Variants in NECAB2 observed in about 807,000 individuals in gnomAD.
The protein encoded by NECAB2 is N-terminal EF-hand calcium binding protein 2, also known as N-terminal EF-hand calcium-binding protein 2.
In NECAB2, 68 loss-of-function variants were observed where a neutral mutation model predicts 51.9. That is an observed-to-expected ratio of 1.31 (90% confidence interval 1.08 to 1.60). NECAB2 has a LOEUF of 1.60. Among genes scored for constraint, NECAB2 ranks in the 40% most tolerant of loss-of-function variants. The pLI is 0.00. For synonymous variants in NECAB2, 329 were observed against 203.5 expected (o/e 1.62, Z -5.25); for missense variants, 854 against 490.3 (o/e 1.74, Z -7.00).
intron 2 of NECAB2, among the ~76,000 whole-genome samples, chr16:83,978,037 C>A (rs1475257677): frequency 6.6e-6 from 1 of 152,260 alleles, no homozygotes; most frequent in African/African-American, 2.4e-5. Flanking sequence ...TCCAGGTGGC[C>A]ATGTAAATTG....
chr16:83,981,849 C>A (rs1172718653), intron 5 of NECAB2, among the ~76,000 whole-genome samples: 1 of 152,150 alleles, frequency 6.6e-6, no homozygotes, highest in Non-Finnish European at 1.5e-5. Flanking sequence ...GGGTGAGGGA[C>A]CCACAGGTGC....
At chr16:84,001,236 C>T (rs2084826767) in intron 11 of NECAB2, among the ~76,000 whole-genome samples, 1 of 151,594 alleles carries the variant, frequency 6.6e-6, no homozygotes, top group African/African-American at 2.4e-5. Context: ...GTGTCAGCAG[C>T]TCTGATGGGC....
At chr16:83,969,291 A>T (rs1002214447) in intron 1 of NECAB2, among the ~76,000 whole-genome samples, 2 of 151,602 alleles carry the variant, frequency 1.3e-5, no homozygotes, top group Non-Finnish European at 2.9e-5. Context: ...CCCTACCTCT[A>T]GCCCACCTCT....
At chr16:83,973,837 C>T (rs1029441362) in intron 2 of NECAB2, among the ~76,000 whole-genome samples, 1 of 151,882 alleles carries the variant, frequency 6.6e-6, no homozygotes, top group Non-Finnish European at 1.5e-5. Context: ...GTTGGGAATG[C>T]GTGTGTCCAG....
intron 2 of NECAB2, among the ~76,000 whole-genome samples, chr16:83,976,148 C>A (rs937509900): frequency 6.6e-6 from 1 of 152,160 alleles, no homozygotes. Context: ...TTGGGGCTCA[C>A]AACCCCTGTC....
intron 8 of NECAB2, among the ~76,000 whole-genome samples, chr16:83,995,722 G>C (rs1348746722): frequency 3.9e-5 from 6 of 152,158 alleles, no homozygotes; most frequent in Admixed American, 2.6e-4. Context: ...CATGGGGGCA[G>C]GAACAAGGGG....
At chr16:84,002,213 A>C (rs1285228091) in intron 12 of NECAB2, 105 bp from the exon 13 acceptor site, 3 of 1,379,022 alleles carry the variant, frequency 2.2e-6, no homozygotes, top group Non-Finnish European at 3.1e-6. Context: ...GTGTCACACA[A>C]GGACTCAAAG....
intron 11 of NECAB2, among the ~76,000 whole-genome samples, chr16:84,001,296 TATTGCTGATGCGCCAG>T (rs2084828717): frequency 6.6e-6 from 1 of 151,528 alleles, no homozygotes; most frequent in African/African-American, 2.4e-5. Flanking sequence ...GGGTGGAGAC[TATTGCTGATGCGCCAG>T]ACCCCACAGG....
rs543242356 is a variant in NECAB2, at chr16:83,992,704, G to A, written c.597-1598G>A. On this transcript the variant is annotated intron_variant, in intron 6 of 12. Coordinates refer to ENST00000305202, the MANE Select transcript of NECAB2 (RefSeq NM_019065.3). Reference sequence around the variant, plus strand: ...AAATGAGTTTGATCTGAGCATTTGCGCTGAATCACCTGGGAAAATTAAAAT... The same window carrying A: ...AAATGAGTTTGATCTGAGCATTTGCACTGAATCACCTGGGAAAATTAAAAT... 2.6e-5 allele frequency among the ~76,000 whole-genome samples: 4 copies of A among 152,258 alleles called. No individual in the cohort carries two copies. In the East Asian group the frequency reaches 5.8e-4, roughly 22 times the overall value.
chr16:83,994,199 G>T, intron 6 of NECAB2, 103 bp from the exon 7 acceptor site: 2 of 1,013,218 alleles, frequency 2.0e-6, no homozygotes, highest in Admixed American at 1.9e-5. Context: ...GTGCATGTGT[G>T]AGTCCACTGT....
chr16:83,997,111 G>A lies in NECAB2; in HGVS notation c.796-105G>A, dbSNP rs549592177. ...TCTCCCAGCCCTGTGCAACAGGGCC[G>A]GGTCCTTGGGAGCTCCCAACAGCCC... On this transcript the variant is annotated intron_variant, in intron 8 of 12. Coordinates refer to ENST00000305202, the MANE Select transcript of NECAB2 (RefSeq NM_019065.3). 3.2e-4 allele frequency: 444 copies of A among 1,366,846 alleles called. 5 individuals carry two copies. The East Asian group carries it at 9.0e-3, about 28-fold the overall frequency. The allele number at this position is 1,366,846 out of a possible 1,614,324, so 84.7% of individuals were successfully genotyped here.
intron 10 of NECAB2, among the ~76,000 whole-genome samples, chr16:83,999,050 C>T (rs953141186): frequency 6.6e-6 from 1 of 150,710 alleles, no homozygotes; most frequent in African/African-American, 2.4e-5. Context: ...AGCACACACT[C>T]ATTCACCCCA....
intron 6 of NECAB2, among the ~76,000 whole-genome samples, chr16:83,992,535 C>T (rs1198553445): frequency 1.3e-5 from 2 of 152,158 alleles, no homozygotes; most frequent in African/African-American, 2.4e-5. Context: ...CGATTGAGCC[C>T]TTAATTTTCC....
intron 5 of NECAB2, among the ~76,000 whole-genome samples, chr16:83,988,450 T>A (rs72793617): frequency 6.6e-6 from 1 of 152,234 alleles, no homozygotes; most frequent in African/African-American, 2.4e-5. Context: ...AAAAATAATT[T>A]TTAAGATTTT....
chr16:83,974,223 C>T (rs1368866206), intron 2 of NECAB2, among the ~76,000 whole-genome samples: 1 of 152,190 alleles, frequency 6.6e-6, no homozygotes, highest in Non-Finnish European at 1.5e-5. Flanking sequence ...GTCCCCCAGC[C>T]TGACTGCCTA....
chr16:83,994,915 G>T (rs1478363964), intron 8 of NECAB2, among the ~76,000 whole-genome samples: 2 of 152,186 alleles, frequency 1.3e-5, no homozygotes, highest in Non-Finnish European at 2.9e-5. Context: ...AAGAGAGAGT[G>T]TTGGGGGGTC....
intron 11 of NECAB2, 35 bp from the exon 12 acceptor site, chr16:84,001,790 G>T: frequency 3.7e-6 from 6 of 1,611,294 alleles, no homozygotes; most frequent in Non-Finnish European, 5.1e-6. Context: ...CTCCACTCCT[G>T]CCACCCCTGA....
chr16:83,965,494 C>A (rs1223238294), upstream of NECAB2: 3 of 1,611,406 alleles, frequency 1.9e-6, no homozygotes, highest in Non-Finnish European at 2.5e-6. Context: ...CCCGCCACTA[C>A]AACATCCCGG....
At chr16:84,002,176 G>T in intron 12 of NECAB2, 142 bp from the exon 13 acceptor site, 2 of 1,141,844 alleles carry the variant, frequency 1.8e-6, no homozygotes, top group South Asian at 2.6e-5. Context: ...TGTGTGGTTT[G>T]CACCTGGGTG....
Sources: gnomAD v4.1 joint callset for allele counts (sites outside exome capture counted in the v4.1 genomes callset) on GRCh38, gnomAD v4.1.1 for gene constraint, MANE v1.5 for transcripts, NCBI Gene and HGNC (gene_info 2026-07-23, HGNC 2026-07-21) for gene names.